LRBA: variants seen among roughly 807,000 people sequenced by gnomAD.
LRBA encodes LPS responsive beige-like anchor protein.
Under a neutral mutation model 330.0 loss-of-function variants are expected in LRBA, and 176 were observed. That is an observed-to-expected ratio of 0.53 (90% CI 0.47 to 0.60). The LOEUF (loss-of-function observed/expected upper bound fraction) is 0.60, where lower values mean the gene tolerates loss of function less well. LRBA is among the 20% of genes least tolerant of loss of function. LRBA has a pLI of 0.00. For synonymous variants in LRBA, 1,230 were observed against 1,193.0 expected (o/e 1.03, Z -0.64); for missense variants, 3,259 against 3,444.8 (o/e 0.95, Z 1.35).
In LRBA at chr4:150,735,333, T is replaced by G; in HGVS notation, c.5679A>C (p.Val1893=). 6.2e-7 allele frequency: 1 copy of G among 1,613,614 alleles called. No homozygotes were observed. The highest frequency in any genetic ancestry group is 1.7e-4 in the Middle Eastern group (1 of 6,058). ...TAAATTCAGCTTCATTTGCTACTCT[T>G]ACTAGATGATCCTTCATTGTCTGGC... ...LLSQTMKDHL[V]RVANEAEFIL... is the part of the protein sequence containing the mutation. The change falls in exon 36 of 57, where the codon GTA becomes GTC. Residue 1893 remains valine (V), a synonymous_variant. Coordinates refer to ENST00000651943, the MANE Select transcript of LRBA (RefSeq NM_001364905.1).
At chr4:150,416,584 G>T (rs908791249) in intron 46 of LRBA, among the ~76,000 whole-genome samples, 1 of 150,794 alleles carries the variant, frequency 6.6e-6, no homozygotes, top group African/African-American at 2.4e-5. Context: ...CTTCCAAATG[G>T]CTGACAACCA....
At chr4:150,950,560 T>C (rs1019489215) in intron 2 of LRBA, among the ~76,000 whole-genome samples, 5 of 116,826 alleles carry the variant, frequency 4.3e-5, no homozygotes, top group Non-Finnish European at 8.2e-5. Flanking sequence ...ATCTATATAT[T>C]AGGTTTTCTC....
chr4:150,912,989 T>A (rs900890211), intron 9 of LRBA, among the ~76,000 whole-genome samples: 7 of 152,218 alleles, frequency 4.6e-5, no homozygotes, highest in Non-Finnish European at 1.0e-4. Context: ...TTGTTTAATT[T>A]CTACATTAAA....
chr4:150,762,553 T>C (rs1320000585), intron 34 of LRBA, among the ~76,000 whole-genome samples: 1 of 151,784 alleles, frequency 6.6e-6, no homozygotes, highest in Non-Finnish European at 1.5e-5. Context: ...TAAGCATTAA[T>C]ACAATAAGGA....
At chr4:150,360,758 AC>A (rs1255640945) in intron 47 of LRBA, among the ~76,000 whole-genome samples, 1 of 152,244 alleles carries the variant, frequency 6.6e-6, no homozygotes, top group Non-Finnish European at 1.5e-5. Context: ...GAATGGCTAC[AC>A]CTTAGGAAAT....
rs750781811 is a variant in LRBA, at chr4:150,905,989, G to A, written c.1604C>T (p.Ser535Phe). Reference protein sequence around the residue: ...FLVIGYSLEKSSKSHVSRAVL... With the variant: ...FLVIGYSLEKFSKSHVSRAVL... ...TGCTCTGCTAACATGAGATTTGGAA[G>A]ACTGCAAAAAAAGTAGTTCAAATGT... The change falls in exon 13 of 57, where the codon TCT becomes TTT. Residue 535 changes from serine to phenylalanine, a missense_variant and splice_region_variant. Coordinates refer to ENST00000651943, the MANE Select transcript of LRBA (RefSeq NM_001364905.1). 9.9e-6 allele frequency: 16 copies of A among 1,611,384 alleles called. No individual in the cohort carries two copies. The East Asian group carries it at 2.5e-4, about 25-fold the overall frequency.
intron 2 of LRBA, among the ~76,000 whole-genome samples, chr4:151,011,022 C>G (rs1158970177): frequency 6.6e-6 from 1 of 151,914 alleles, no homozygotes; most frequent in African/African-American, 2.4e-5. Context: ...CCCGTCTCTA[C>G]TAAAAATACA....
intron 47 of LRBA, among the ~76,000 whole-genome samples, chr4:150,385,657 T>A (rs1742950421): frequency 6.6e-6 from 1 of 152,128 alleles, no homozygotes; most frequent in Non-Finnish European, 1.5e-5. Flanking sequence ...TGTGCTGAGT[T>A]ACCAGACCAG....
intron 2 of LRBA, among the ~76,000 whole-genome samples, chr4:151,008,902 G>A (rs553890854): frequency 5.7e-5 from 8 of 140,602 alleles, no homozygotes; most frequent in South Asian, 2.3e-4. Flanking sequence ...CCCGGGAGGC[G>A]GAGGTTGCAG....
intron 53 of LRBA, among the ~76,000 whole-genome samples, chr4:150,294,206 T>C (rs1473513584): frequency 6.6e-6 from 1 of 152,232 alleles, no homozygotes; most frequent in East Asian, 1.9e-4. Context: ...ACCCCTTAAA[T>C]GTATATTTGA....
At chr4:150,270,048 G>A (rs1745861592) in intron 56 of LRBA, among the ~76,000 whole-genome samples, 1 of 152,178 alleles carries the variant, frequency 6.6e-6, no homozygotes, top group African/African-American at 2.4e-5. Context: ...CACAATGAGA[G>A]ACCACGCCTG....
intron 37 of LRBA, among the ~76,000 whole-genome samples, chr4:150,615,092 A>G (rs186542896): frequency 6.6e-6 from 1 of 152,360 alleles, no homozygotes; most frequent in East Asian, 1.9e-4. Flanking sequence ...CTTAAAGCAA[A>G]AGGATTTCCG....
At chr4:150,780,068 T>A (rs1000620163) in intron 34 of LRBA, among the ~76,000 whole-genome samples, 2 of 152,202 alleles carry the variant, frequency 1.3e-5, no homozygotes, top group African/African-American at 4.8e-5. Flanking sequence ...AAATAAGCCA[T>A]ATAGAAAACA....
intron 55 of LRBA, among the ~76,000 whole-genome samples, 180 bp downstream of exon 55, chr4:150,282,270 G>A (rs921462938): frequency 5.3e-5 from 8 of 152,262 alleles, no homozygotes; most frequent in Admixed American, 4.6e-4. Context: ...AGCTGGCACT[G>A]CTGTGGTGTG....
intron 40 of LRBA, among the ~76,000 whole-genome samples, chr4:150,543,044 A>G (rs1307170043): frequency 6.6e-6 from 1 of 152,172 alleles, no homozygotes; most frequent in African/African-American, 2.4e-5. Flanking sequence ...CCCACAAAAA[A>G]CTAGAACACA....
intron 37 of LRBA, among the ~76,000 whole-genome samples, chr4:150,671,478 T>G (rs973180576): frequency 2.0e-5 from 3 of 152,154 alleles, no homozygotes; most frequent in Non-Finnish European, 4.4e-5. Context: ...GAGAACTAAA[T>G]AGTACATTGC....
intron 53 of LRBA, among the ~76,000 whole-genome samples, chr4:150,287,488 G>A (rs1748284513): frequency 6.6e-6 from 1 of 152,242 alleles, no homozygotes; most frequent in Non-Finnish European, 1.5e-5. Context: ...CTCTGTGCTT[G>A]TAGCCCCACT....
Position 150,937,317 on chromosome 4 carries a change from C to T in LRBA, c.217-8252G>A, listed in dbSNP as rs375191674. On this transcript the variant is annotated intron_variant, in intron 2 of 56. Coordinates refer to ENST00000651943, the MANE Select transcript of LRBA (RefSeq NM_001364905.1). ...ATTTGAAGCTGATCAACCTTCAAAACACAAATTTGTTTCCAATGACAGGGA... is the reference window on the plus strand; with the variant it reads ...ATTTGAAGCTGATCAACCTTCAAAATACAAATTTGTTTCCAATGACAGGGA... Among the ~76,000 whole-genome samples, 18 of 152,218 alleles carry T rather than the reference C, an allele frequency of 1.2e-4. No homozygotes were observed. In the East Asian group the frequency reaches 3.1e-3, roughly 26 times the overall value.
intron 48 of LRBA, among the ~76,000 whole-genome samples, chr4:150,333,868 C>T (rs1367611879): frequency 3.3e-5 from 5 of 152,076 alleles, no homozygotes; most frequent in African/African-American, 1.2e-4. Flanking sequence ...AATATTGTAA[C>T]TGCTAAGGCC....
Sources: allele counts gnomAD v4.1 joint callset (sites outside exome capture counted in the v4.1 genomes callset), GRCh38; gene constraint gnomAD v4.1.1; transcripts MANE v1.5; gene names NCBI Gene and HGNC (gene_info 2026-07-23, HGNC 2026-07-21).